RTKN: variants seen among roughly 807,000 people sequenced by gnomAD.
RTKN encodes the protein rhotekin.
RTKN carries 49 observed loss-of-function variants against 63.5 expected under a neutral mutation model. That is an observed-to-expected ratio of 0.77 (90% confidence interval 0.61 to 0.98). The LOEUF (loss-of-function observed/expected upper bound fraction) is 0.98, where lower values mean the gene tolerates loss of function less well. RTKN is among the 50% of genes least tolerant of loss of function. RTKN has a pLI of 0.00. For synonymous variants in RTKN, 295 were observed against 290.4 expected (o/e 1.02, Z -0.16); for missense variants, 685 against 740.8 (o/e 0.92, Z 0.87).
In RTKN at chr2:74,426,467, G is replaced by C. The variant is rs765601010; in HGVS notation, c.1468C>G (p.Pro490Ala). ...PPWLAMFTDQ[P>A]ALPNPCSPAS... ...GGCGAGCAGGGGTTAGGCAGGGCAG[G>C]CTGGTCTGTAAACATTGCCAGCCAG... The change falls in exon 12 of 12, where the codon CCT (proline) becomes GCT (alanine). Residue 490 changes from proline to alanine, a missense_variant. Pro to Ala is a conservative substitution (Grantham distance 27, BLOSUM62 -1). Coordinates refer to ENST00000272430, the MANE Select transcript of RTKN (RefSeq NM_001015055.2). 1 of 1,610,294 alleles carries C rather than the reference G, an allele frequency of 6.2e-7. No homozygotes were observed. The highest frequency in any genetic ancestry group is 1.7e-5 in the Admixed American group (1 of 59,814).
chr2:74,441,363 C>T (rs1298097394), intron 1 of RTKN, among the ~76,000 whole-genome samples: 4 of 152,292 alleles, frequency 2.6e-5, no homozygotes, highest in South Asian at 2.1e-4. Context: ...GCGCTTGGGG[C>T]CCGCCTAGCT....
intron 4 of RTKN, 21 bp from the exon 5 acceptor site, chr2:74,430,390 A>C: frequency 6.2e-7 from 1 of 1,613,794 alleles, no homozygotes; most frequent in Non-Finnish European, 8.5e-7. Flanking sequence ...AGGGCAAAAC[A>C]AAAAACACGT....
intron 2 of RTKN, chr2:74,432,228 G>C (rs1404624198): frequency 1.5e-6 from 1 of 682,418 alleles, no homozygotes; most frequent in African/African-American, 1.8e-5. Flanking sequence ...CTACCCTTCA[G>C]ATCAGCTACC....
At chr2:74,433,032 A>G (rs2103900995) in intron 1 of RTKN, among the ~76,000 whole-genome samples, 1 of 152,232 alleles carries the variant, frequency 6.6e-6, no homozygotes, top group South Asian at 2.1e-4. Flanking sequence ...TCACAAGGCC[A>G]GGAGATCGAG....
intron 1 of RTKN, chr2:74,440,376 A>G: frequency 1.0e-6 from 1 of 986,454 alleles, no homozygotes; most frequent in Non-Finnish European, 1.2e-6. Flanking sequence ...AGAAGGGAGG[A>G]GAGGGAGAGA....
Position 74,430,624 on chromosome 2 carries a change from C to A in RTKN, c.365G>T (p.Cys122Phe). The change falls in exon 3 of 12, where the codon TGC becomes TTC. Residue 122 changes from cysteine to phenylalanine, a missense_variant. Transcript: ENST00000272430. ...GTAGCTGTGCTTCTTACCAGAGATG[C>A]AGACCCGGCCGCGGCAGGGGGAGCG... The part of the protein sequence containing the change: ...AERSPCRGRV[C>F]ISDLRIPLMW... 2 of 1,613,992 alleles carry A rather than the reference C, an allele frequency of 1.2e-6. No individual in the cohort carries two copies. Among genetic ancestry groups the A allele is most frequent in the Middle Eastern group, 3.4e-4 (2 of 5,944 alleles).
chr2:74,427,975 T>C (rs145339673), intron 9 of RTKN: 59 of 509,212 alleles, frequency 1.2e-4, no homozygotes, highest in Admixed American at 5.2e-4. Flanking sequence ...AAAGTAGATA[T>C]AAATTGGAAT....
chr2:74,438,517 T>A (rs1238809985), intron 1 of RTKN, among the ~76,000 whole-genome samples: 1 of 151,966 alleles, frequency 6.6e-6, no homozygotes, highest in Non-Finnish European at 1.5e-5. Flanking sequence ...ATGGCATGAG[T>A]CATTCCCTTG....
At chr2:74,434,260 G>A (rs1317949673) in intron 1 of RTKN, among the ~76,000 whole-genome samples, 3 of 150,130 alleles carry the variant, frequency 2.0e-5, no homozygotes, top group South Asian at 2.1e-4. Context: ...GTGCCACCAC[G>A]CCCGAGTAAG....
rs1418498884 is a variant in RTKN at position 74,439,430 on chromosome 2, CCTCTTCCCACTTTAAGCAGGCCTGG to C, written c.111+2251_111+2275del. On this transcript the variant is annotated intron_variant, in intron 1 of 11. Coordinates refer to ENST00000272430, the MANE Select transcript of RTKN (RefSeq NM_001015055.2). ...CACAAGGCATAGGGAACCACCTGTCCCTCTTCCCACTTTAAGCAGGCCTGGCTCTCCCCACCATGCTGTAGCAGGA... is the reference window on the plus strand; with the variant it reads ...CACAAGGCATAGGGAACCACCTGTCCCTCTCCCCACCATGCTGTAGCAGGA... 8 of 1,089,694 alleles carry C rather than the reference CCTCTTCCCACTTTAAGCAGGCCTGG, an allele frequency of 7.3e-6. No individual in the cohort carries two copies. In the African/African-American group the frequency reaches 7.7e-5, roughly 11 times the overall value. 67.5% of individuals were successfully genotyped at this position (1,089,694 alleles called of 1,614,324 possible).
At chr2:74,440,024 G>T in intron 1 of RTKN, 1 of 1,049,198 alleles carries the variant, frequency 9.5e-7, no homozygotes, top group Non-Finnish European at 1.2e-6. Context: ...CCGCTCCCCA[G>T]CCCCCGCCCA....
In RTKN at chr2:74,434,341, C is replaced by T. The variant is rs1370344022; in HGVS notation, c.112-1675G>A. On this transcript the variant is annotated intron_variant, in intron 1 of 11. Transcript: ENST00000272430. ...TGTTGCCCAGGCTGGAGTGAAGTGG[C>T]ATGATCTCGGCTCACTGCAAACTCC... 3.4e-5 allele frequency among the ~76,000 whole-genome samples: 5 copies of T among 149,008 alleles called. No individual in the cohort carries two copies. The South Asian group carries it at 8.5e-4, about 25-fold the overall frequency.
intron 1 of RTKN, among the ~76,000 whole-genome samples, chr2:74,433,862 G>A (rs1340085947): frequency 6.6e-6 from 1 of 152,044 alleles, no homozygotes; most frequent in African/African-American, 2.4e-5. Context: ...ATAAGTAACA[G>A]TACATCTGTA....
At chr2:74,430,706 G>A (rs1670701799) in intron 2 of RTKN, 29 bp from the exon 3 acceptor site, 2 of 1,599,774 alleles carry the variant, frequency 1.3e-6, no homozygotes, top group Non-Finnish European at 1.7e-6. Context: ...GTCCTGGCCT[G>A]GCCTCTAGCC....
chr2:74,439,958 G>A (rs1671266895), intron 1 of RTKN: 1 of 1,119,472 alleles, frequency 8.9e-7, no homozygotes, highest in Admixed American at 4.0e-5. Context: ...GTCTCGCTTT[G>A]GTGGCAGCTG....
rs1035837909 is a variant in RTKN at position 74,436,203 on chromosome 2, G to C, written c.112-3537C>G. On this transcript the variant is annotated intron_variant, in intron 1 of 11. Coordinates refer to ENST00000272430, the MANE Select transcript of RTKN (RefSeq NM_001015055.2). This position sits in a 1 kb window ranked among gnomAD's most constrained non-coding sequence, Gnocchi z 4.3. ...CCCAGCACTCACGGATCCTTCCCCA[G>C]CCCGCTCCATTGCGAGAGGCGCGCA... Among the ~76,000 whole-genome samples, 9 of 152,262 alleles carry C rather than the reference G, an allele frequency of 5.9e-5. No homozygotes were observed. Among genetic ancestry groups the C allele is most frequent in the African/African-American group, 1.9e-4 (8 of 41,478 alleles).
intron 5 of RTKN, 32 bp from the exon 6 acceptor site, chr2:74,430,069 G>A: frequency 6.2e-7 from 1 of 1,612,152 alleles, no homozygotes; most frequent in South Asian, 1.1e-5. Context: ...GGTGGTCACA[G>A]GAAAGTCCAG....
At chr2:74,441,277 GC>G (rs1478523923) in intron 1 of RTKN, among the ~76,000 whole-genome samples, 2 of 152,202 alleles carry the variant, frequency 1.3e-5, no homozygotes, top group African/African-American at 4.8e-5. Context: ...ACAGAGGCTG[GC>G]CCAGATGGCT....
chr2:74,440,574 G>C, intron 1 of RTKN: 2 of 985,794 alleles, frequency 2.0e-6, no homozygotes, highest in Non-Finnish European at 2.4e-6. Context: ...CAGCTCCTCC[G>C]AGCTGTCCCC....
Sources: allele counts gnomAD v4.1 joint callset (sites outside exome capture counted in the v4.1 genomes callset), GRCh38; gene constraint gnomAD v4.1.1; non-coding constraint Gnocchi (gnomAD v3.1); transcripts MANE v1.5; gene names NCBI Gene and HGNC (gene_info 2026-07-23, HGNC 2026-07-21).